Variants in RAB11FIP3 observed in about 807,000 individuals in gnomAD.
RAB11FIP3 encodes the protein rab11 family-interacting protein 3.
In RAB11FIP3, 17 loss-of-function variants were observed where a neutral mutation model predicts 77.8. That is an observed-to-expected ratio of 0.22 (90% CI 0.15 to 0.33). RAB11FIP3 has a LOEUF of 0.33. Ranked by LOEUF, RAB11FIP3 falls within the 10% of genes least tolerant of loss-of-function variation. RAB11FIP3 has a pLI of 1.00. For missense variants in RAB11FIP3, 1,005 were observed against 1,011.2 expected (o/e 0.99, Z 0.08); for synonymous variants, 437 against 448.2 (o/e 0.98, Z 0.31).
chr16:462,427 G>T (rs1206079712), intron 2 of RAB11FIP3, among the ~76,000 whole-genome samples: 1 of 152,070 alleles, frequency 6.6e-6, no homozygotes, highest in African/African-American at 2.4e-5. Context: ...TAGAGACGGG[G>T]TTTCACCATG....
Position 427,725 on chromosome 16 carries a change from A to G in RAB11FIP3, c.714+1005A>G, listed in dbSNP as rs987468873. On this transcript the variant is annotated intron_variant, in intron 1 of 13. Coordinates refer to ENST00000262305, the MANE Select transcript of RAB11FIP3 (RefSeq NM_014700.4). Reference sequence around the variant, plus strand: ...ATCTGGTAAGTGGGTGTTCAAGTACATATGCATGTTTAAGCCAAGAGGTCT... The same window carrying G: ...ATCTGGTAAGTGGGTGTTCAAGTACGTATGCATGTTTAAGCCAAGAGGTCT... Among the ~76,000 whole-genome samples the G allele has an allele frequency of 2.0e-5, 3 of 152,340 alleles. No individual in the cohort carries two copies. The East Asian group carries it at 5.8e-4, about 29-fold the overall frequency.
At chr16:510,563 C>A in intron 8 of RAB11FIP3, 97 bp from the exon 9 acceptor site, 2 of 1,381,484 alleles carry the variant, frequency 1.4e-6, no homozygotes, top group Non-Finnish European at 1.9e-6. Flanking sequence ...CGAGTGGAGG[C>A]AGGTTCTCTG....
intron 1 of RAB11FIP3, among the ~76,000 whole-genome samples, chr16:456,465 G>C (rs2055505860): frequency 6.9e-6 from 1 of 144,214 alleles, no homozygotes; most frequent in African/African-American, 2.6e-5. Flanking sequence ...AAAAGAAAAA[G>C]AAAAACAAGG....
rs1432523763 is a variant in RAB11FIP3, at chr16:522,256, A to ATG, written c.*1418_*1419insGT. ...GTGTATACACATGAAATATATATAT[A>ATG]TATATATATATATATATGTATAATA... On this transcript the variant is annotated 3_prime_UTR_variant, in exon 14 of 14. Transcript: ENST00000262305. The ATG allele has an allele frequency of 8.2e-5, 12 of 146,752 alleles. No homozygotes were observed. Among genetic ancestry groups the ATG allele is most frequent in the Admixed American group, 8.2e-4 (12 of 14,716 alleles). 9.1% of individuals were successfully genotyped at this position (146,752 alleles called of 1,614,324 possible).
intron 3 of RAB11FIP3, 198 bp from the exon 4 acceptor site, chr16:482,327 A>T: frequency 1.4e-6 from 1 of 704,422 alleles, no homozygotes; most frequent in Non-Finnish European, 2.6e-6. Flanking sequence ...AAGTACTGGG[A>T]TTACAGGCGT....
rs1472889553 is a variant in RAB11FIP3 at position 426,619 on chromosome 16, C to T, written c.613C>T (p.Pro205Ser). The change falls in exon 1 of 14, where the codon CCC (proline) becomes TCC (serine). Residue 205 changes from proline to serine, a missense_variant. Coordinates refer to ENST00000262305, the MANE Select transcript of RAB11FIP3 (RefSeq NM_014700.4). The surrounding 1 kb of genome is among the most constrained non-coding windows in gnomAD (Gnocchi z 5.0). ...SEPVGSQEDGPRLRAVFDALD... is the reference protein window; with the variant it reads ...SEPVGSQEDGSRLRAVFDALD... Reference sequence around the variant, plus strand: ...GCCCGTGGGGAGTCAGGAGGACGGCCCCCGCCTCCGAGCCGTGTTCGATGC... The same window carrying T: ...GCCCGTGGGGAGTCAGGAGGACGGCTCCCGCCTCCGAGCCGTGTTCGATGC... The T allele has an allele frequency of 6.3e-7, 1 of 1,594,950 alleles. No individual in the cohort carries two copies. The highest frequency in any genetic ancestry group is 8.5e-7 in the Non-Finnish European group (1 of 1,171,758).
At chr16:437,513 T>G (rs1318997671) in intron 1 of RAB11FIP3, among the ~76,000 whole-genome samples, 1 of 139,360 alleles carries the variant, frequency 7.2e-6, no homozygotes, top group African/African-American at 2.7e-5. Context: ...GAGGTTGCAG[T>G]GAGCTGAGAT....
rs759277322 is a variant in RAB11FIP3, at chr16:461,917, G to A, written c.808+420G>A. Among the ~76,000 whole-genome samples, 47 of 152,214 alleles carry A rather than the reference G, an allele frequency of 3.1e-4. No individual in the cohort carries two copies. Among genetic ancestry groups the A allele is most frequent in the Non-Finnish European group, 3.1e-4 (21 of 68,042 alleles). ...TCCCCCAGCCCCTCTTGAATGGGAT[G>A]TGTTTGTAATCAGCATGCTTCCGCG... is the stretch of plus-strand genomic sequence containing the variant. On this transcript the variant is annotated intron_variant, in intron 2 of 13. Coordinates refer to ENST00000262305, the MANE Select transcript of RAB11FIP3 (RefSeq NM_014700.4). The surrounding 1 kb of genome is among the most constrained non-coding windows in gnomAD (Gnocchi z 4.5).
chr16:451,026 C>T (rs1596209909), intron 1 of RAB11FIP3, among the ~76,000 whole-genome samples: 1 of 152,072 alleles, frequency 6.6e-6, no homozygotes, highest in Non-Finnish European at 1.5e-5. Context: ...TGTTTTATTT[C>T]CTCATCATGT....
At chr16:460,141 T>C (rs906763442) in intron 1 of RAB11FIP3, among the ~76,000 whole-genome samples, 15 of 152,118 alleles carry the variant, frequency 9.9e-5, no homozygotes, top group African/African-American at 3.4e-4. Flanking sequence ...TTTCTCACAG[T>C]GCTGGGGATT....
intron 6 of RAB11FIP3, 117 bp downstream of exon 6, chr16:496,976 T>G: frequency 1.8e-6 from 2 of 1,133,124 alleles, no homozygotes; most frequent in Non-Finnish European, 2.5e-6. Context: ...TCTTGCAAGT[T>G]ACTTTACATG....
intron 6 of RAB11FIP3, among the ~76,000 whole-genome samples, chr16:498,408 G>A (rs1405519202): frequency 2.0e-5 from 3 of 152,104 alleles, no homozygotes; most frequent in Non-Finnish European, 4.4e-5. Context: ...CTCCTGGGCT[G>A]AAGGGATCCT....
chr16:501,422 G>A (rs1309896145), intron 6 of RAB11FIP3, among the ~76,000 whole-genome samples: 1 of 144,806 alleles, frequency 6.9e-6, no homozygotes, highest in East Asian at 2.1e-4. Flanking sequence ...AGCTGGGAGA[G>A]GGTCCCCCCA....
At chr16:482,349 C>T (rs757383436) in intron 3 of RAB11FIP3, 176 bp from the exon 4 acceptor site, 1 of 727,856 alleles carries the variant, frequency 1.4e-6, no homozygotes, top group South Asian at 1.5e-5. Context: ...AGTCACCGCG[C>T]CCAGCCTGAA....
chr16:493,591 T>C (rs1470154401), intron 5 of RAB11FIP3, among the ~76,000 whole-genome samples: 1 of 152,182 alleles, frequency 6.6e-6, no homozygotes, highest in Non-Finnish European at 1.5e-5. Flanking sequence ...AAGTGTGCCT[T>C]ACCTGGAGGT....
At chr16:434,207 C>A (rs929153410) in intron 1 of RAB11FIP3, among the ~76,000 whole-genome samples, 1 of 151,754 alleles carries the variant, frequency 6.6e-6, no homozygotes, top group Non-Finnish European at 1.5e-5. Flanking sequence ...CTGCAACCTT[C>A]GCCTCCTGGG....
In RAB11FIP3 at chr16:521,293, C is replaced by T. The variant is rs2032674862; in HGVS notation, c.*454C>T. ...TTGGGAAGAAAGGAAGAAAACAGGT[C>T]CCTCCAGGGGTGCTGCTGCCTAAGC... On this transcript the variant is annotated 3_prime_UTR_variant, in exon 14 of 14. Coordinates refer to ENST00000262305, the MANE Select transcript of RAB11FIP3 (RefSeq NM_014700.4). 1 of 179,700 alleles carries T rather than the reference C, an allele frequency of 5.6e-6. No individual in the cohort carries two copies. Among genetic ancestry groups the T allele is most frequent in the Non-Finnish European group, 1.2e-5 (1 of 84,174 alleles). The allele number at this position is 179,700 out of a possible 1,614,324, so 11.1% of individuals were successfully genotyped here.
At chr16:470,570 A>T (rs1160698802) in intron 2 of RAB11FIP3, among the ~76,000 whole-genome samples, 1 of 152,244 alleles carries the variant, frequency 6.6e-6, no homozygotes, top group Non-Finnish European at 1.5e-5. Flanking sequence ...AAGACACCTA[A>T]GTGTCTTCTG....
Position 471,397 on chromosome 16 carries a change from G to T in RAB11FIP3, c.903+8G>T, listed in dbSNP as rs2055805707. 6.3e-7 allele frequency: 1 copy of T among 1,599,670 alleles called. No homozygotes were observed. Among genetic ancestry groups the T allele is most frequent in the Non-Finnish European group, 8.6e-7 (1 of 1,169,182 alleles). On this transcript the variant is annotated splice_region_variant and intron_variant, in intron 3 of 13. Transcript: ENST00000262305. The surrounding 1 kb of genome is among the most constrained non-coding windows in gnomAD (Gnocchi z 4.4). ...GACTTCGTCACCTATGAGGCAAGTGGTTTTCACCCAGGAGCTTGGGGGAAG... is the reference window on the plus strand; with the variant it reads ...GACTTCGTCACCTATGAGGCAAGTGTTTTTCACCCAGGAGCTTGGGGGAAG...
Sources: allele counts gnomAD v4.1 joint callset (sites outside exome capture counted in the v4.1 genomes callset), GRCh38; gene constraint gnomAD v4.1.1; non-coding constraint Gnocchi (gnomAD v3.1); transcripts MANE v1.5; gene names NCBI Gene and HGNC (gene_info 2026-07-23, HGNC 2026-07-21).